TMEM266: variants seen among roughly 807,000 people sequenced by gnomAD.
TMEM266 encodes the protein Hv1 related protein 1.
Under a neutral mutation model 50.5 loss-of-function variants are expected in TMEM266, and 33 were observed. The observed-to-expected ratio is 0.65, with a 90% CI of 0.50 to 0.87. The LOEUF (loss-of-function observed/expected upper bound fraction) is 0.87, where lower values mean the gene tolerates loss of function less well. Ranked by LOEUF, TMEM266 falls within the 40% of genes least tolerant of loss-of-function variation. The pLI is 0.00. For synonymous variants in TMEM266, 310 were observed against 292.3 expected, an observed-to-expected ratio of 1.06 and a Z score of -0.62; for missense variants, 655 against 695.1, an observed-to-expected ratio of 0.94 and a Z score of 0.65.
intron 3 of TMEM266, among the ~76,000 whole-genome samples, chr15:76,141,446 C>T (rs1278650005): frequency 6.6e-6 from 1 of 151,842 alleles, no homozygotes; most frequent in Non-Finnish European, 1.5e-5. Context: ...ACCATATTGC[C>T]CGGGCTGGTC....
chr15:76,102,283 A>G (rs2037011982), intron 1 of TMEM266, among the ~76,000 whole-genome samples: 1 of 152,202 alleles, frequency 6.6e-6, no homozygotes, highest in South Asian at 2.1e-4. Flanking sequence ...CTTACATTCT[A>G]GTGGGGAAGA....
intron 1 of TMEM266, among the ~76,000 whole-genome samples, chr15:76,122,267 C>T (rs1423446350): frequency 6.6e-6 from 1 of 152,238 alleles, no homozygotes; most frequent in East Asian, 1.9e-4. Flanking sequence ...TGTTTGCTTA[C>T]CATCTATTTG....
At chr15:76,193,012 G>C (rs2038605055) in intron 9 of TMEM266, among the ~76,000 whole-genome samples, 3 of 152,210 alleles carry the variant, frequency 2.0e-5, no homozygotes, top group Non-Finnish European at 4.4e-5. Context: ...CAGTGAGGAC[G>C]CAGCCGGGCA....
rs566587681 is a variant in TMEM266 at position 76,171,152 on chromosome 15, G to T, written c.652+21G>T. On this transcript the variant is annotated intron_variant, in intron 7 of 10. Coordinates refer to ENST00000388942, the MANE Select transcript of TMEM266 (RefSeq NM_152335.3). ...TGATGGTGAGTGGCCCGAGGGGGGT[G>T]TGGTCAGTGGGGCTGCTCCAGAAAG... 45 of 1,610,850 alleles carry T rather than the reference G, an allele frequency of 2.8e-5. No homozygotes were observed. The South Asian group carries it at 4.3e-4, about 15-fold the overall frequency.
intron 10 of TMEM266, 89 bp from the exon 11 acceptor site, chr15:76,203,652 G>A: frequency 7.9e-7 from 1 of 1,269,900 alleles, no homozygotes. Context: ...CACACTCATT[G>A]CCCACCGCCC....
rs2038488993 is a variant in TMEM266, at chr15:76,186,260, C to T, written c.769-5708C>T. Among the ~76,000 whole-genome samples, 2 of 152,156 alleles carry T rather than the reference C, an allele frequency of 1.3e-5. 1 individual carries two copies. The highest frequency in any genetic ancestry group is 1.3e-4 in the Admixed American group (2 of 15,282). On this transcript the variant is annotated intron_variant, in intron 8 of 10. Transcript: ENST00000388942. ...TTCCCACCTCCGGGCCTCAGTTCCCCATCTGACTCATGAGGCCCCAATGTC... is the reference window on the plus strand; with the variant it reads ...TTCCCACCTCCGGGCCTCAGTTCCCTATCTGACTCATGAGGCCCCAATGTC...
chr15:76,192,331 A>G (rs564440360), intron 9 of TMEM266, among the ~76,000 whole-genome samples, 174 bp downstream of exon 9: 1 of 151,840 alleles, frequency 6.6e-6, no homozygotes, highest in East Asian at 1.9e-4. Flanking sequence ...ACTGCCTGTC[A>G]GAGCCCAGGA....
Position 76,192,207 on chromosome 15 carries a change from C to T in TMEM266, c.958+50C>T, listed in dbSNP as rs528967380. 5.7e-4 allele frequency: 790 copies of T among 1,381,566 alleles called. 1 individual carries two copies. The South Asian group carries it at 8.1e-3, about 14-fold the overall frequency. The allele number at this position is 1,381,566 out of a possible 1,614,324, so 85.6% of individuals were successfully genotyped here. On this transcript the variant is annotated intron_variant, in intron 9 of 10. Coordinates refer to ENST00000388942, the MANE Select transcript of TMEM266 (RefSeq NM_152335.3). ...CCAGAGTGTCACGGCCGGGGATCCC[C>T]CTCGCCTCCCTCTCGCGCCCCGGGA...
chr15:76,191,848 G>C (rs1245282129), intron 8 of TMEM266, 120 bp from the exon 9 acceptor site: 4 of 883,846 alleles, frequency 4.5e-6, no homozygotes, highest in Non-Finnish European at 1.6e-6. Context: ...CCAGCTGCGG[G>C]AGGCTCAGCC....
In TMEM266 at chr15:76,137,703, C is replaced by G. The variant is rs779577432; in HGVS notation, c.39-4C>G. The G allele has an allele frequency of 2.5e-6, 4 of 1,614,018 alleles. No individual in the cohort carries two copies. The Admixed American group carries it at 5.0e-5, about 20-fold the overall frequency. ...TTTCCCATTGTTCCTCCTCTCCAAC[C>G]CAGGCCTGCCATAGAAGGAGGAATT... On this transcript the variant is annotated splice_polypyrimidine_tract_variant and splice_region_variant and intron_variant, in intron 2 of 10. Transcript: ENST00000388942.
intron 1 of TMEM266, among the ~76,000 whole-genome samples, chr15:76,099,539 C>T (rs1384509958): frequency 6.6e-6 from 1 of 152,220 alleles, no homozygotes; most frequent in Non-Finnish European, 1.5e-5. Context: ...TGCCAACAAT[C>T]CCAGGTGCTA....
intron 1 of TMEM266, among the ~76,000 whole-genome samples, chr15:76,076,566 A>G: frequency 6.6e-6 from 1 of 152,110 alleles, no homozygotes; most frequent in African/African-American, 2.4e-5. Flanking sequence ...AATCCCACTC[A>G]GGAAGAGTTT....
At position 76,204,504 on chromosome 15, in the gene TMEM266, G is replaced by C. The variant is rs11854192; in HGVS notation, c.*189G>C. The C allele has an allele frequency of 5.6e-6, 3 of 536,768 alleles. No individual in the cohort carries two copies. In the African/African-American group the frequency reaches 5.7e-5, roughly 10 times the overall value. 33.3% of individuals were successfully genotyped at this position (536,768 alleles called of 1,614,324 possible). A position where few individuals can be genotyped will look rare whatever the true frequency, so the allele number is the denominator to read the frequency against. On this transcript the variant is annotated 3_prime_UTR_variant, in exon 11 of 11. Coordinates refer to ENST00000388942, the MANE Select transcript of TMEM266 (RefSeq NM_152335.3). ...GCTTCAGACCTCAAAGCCCAGAGCTGGCGCCTCTTCTCGCCCTGCTCAGGG... is the reference window on the plus strand; with the variant it reads ...GCTTCAGACCTCAAAGCCCAGAGCTCGCGCCTCTTCTCGCCCTGCTCAGGG...
chr15:76,176,682 A>G (rs748363895), intron 8 of TMEM266, among the ~76,000 whole-genome samples: 14 of 152,178 alleles, frequency 9.2e-5, no homozygotes, highest in Non-Finnish European at 1.9e-4. Context: ...CTTCCAGCCC[A>G]TGTCCTGCCA....
intron 1 of TMEM266, among the ~76,000 whole-genome samples, chr15:76,088,718 AC>A (rs1438601386): frequency 6.6e-6 from 1 of 151,786 alleles, no homozygotes; most frequent in East Asian, 1.9e-4. Flanking sequence ...AATGGCATGA[AC>A]CCGGGAGGCG....
At chr15:76,162,220 G>A (rs1169976782) in intron 5 of TMEM266, among the ~76,000 whole-genome samples, 1 of 152,154 alleles carries the variant, frequency 6.6e-6, no homozygotes, top group African/African-American at 2.4e-5. Flanking sequence ...AGGGGGTGGA[G>A]CCAGGCCGCC....
chr15:76,182,254 G>A (rs2038423660), intron 8 of TMEM266, among the ~76,000 whole-genome samples: 1 of 152,014 alleles, frequency 6.6e-6, no homozygotes, highest in Non-Finnish European at 1.5e-5. Flanking sequence ...TTCTCATTGG[G>A]GAAATTGGAG....
intron 8 of TMEM266, chr15:76,176,219 A>C (rs558033733): frequency 6.5e-6 from 1 of 154,710 alleles, no homozygotes; most frequent in East Asian, 1.9e-4. Flanking sequence ...CCCTGTCGGG[A>C]ATCCAGAGAC....
At chr15:76,100,729 A>G (rs748163380) in intron 1 of TMEM266, among the ~76,000 whole-genome samples, 2 of 152,244 alleles carry the variant, frequency 1.3e-5, no homozygotes, top group Non-Finnish European at 2.9e-5. Flanking sequence ...AAAGAAGGAA[A>G]TGGAAAAAGA....
Sources: gnomAD v4.1 joint callset for allele counts (sites outside exome capture counted in the v4.1 genomes callset) on GRCh38, gnomAD v4.1.1 for gene constraint, MANE v1.5 for transcripts, NCBI Gene and HGNC (gene_info 2026-07-23, HGNC 2026-07-21) for gene names.